Variants in RAB3IP observed in about 807,000 individuals in gnomAD.
RAB3IP encodes RAB3A interacting protein.
Under a neutral mutation model 59.1 loss-of-function variants are expected in RAB3IP, and 36 were observed. The ratio of observed to expected loss-of-function variants is 0.61; its 90% confidence interval spans 0.47 to 0.80. RAB3IP has a LOEUF of 0.80. Ranked by LOEUF, RAB3IP falls within the 30% of genes least tolerant of loss-of-function variation. The pLI is 0.00. For missense variants in RAB3IP, 511 were observed against 536.0 expected (o/e 0.95, Z 0.46); for synonymous variants, 207 against 191.2 (o/e 1.08, Z -0.68).
intron 1 of RAB3IP, among the ~76,000 whole-genome samples, chr12:69,748,984 T>C (rs746885075): frequency 3.3e-5 from 5 of 152,220 alleles, no homozygotes; most frequent in Non-Finnish European, 5.9e-5. Flanking sequence ...GACTTGAATT[T>C]AGACAGTATT....
chr12:69,784,069 G>C (rs1369339996), intron 3 of RAB3IP, among the ~76,000 whole-genome samples: 1 of 152,124 alleles, frequency 6.6e-6, no homozygotes, highest in Admixed American at 6.5e-5. Flanking sequence ...GGCTACTTAA[G>C]CATACAAAAT....
chr12:69,783,521 C>G (rs1391179718), intron 3 of RAB3IP, among the ~76,000 whole-genome samples: 1 of 152,104 alleles, frequency 6.6e-6, no homozygotes, highest in African/African-American at 2.4e-5. Context: ...GGTGAGGGCT[C>G]TTTGTTACGT....
chr12:69,769,521 C>T (rs1173340664), intron 3 of RAB3IP, among the ~76,000 whole-genome samples: 2 of 152,206 alleles, frequency 1.3e-5, no homozygotes, highest in South Asian at 2.1e-4. Context: ...ATTCTCCTCC[C>T]TGGTATCTGG....
intron 6 of RAB3IP, among the ~76,000 whole-genome samples, chr12:69,798,913 G>C (rs886102894): frequency 6.6e-6 from 1 of 152,128 alleles, no homozygotes; most frequent in Non-Finnish European, 1.5e-5. Context: ...TTGGAGATGT[G>C]ACATCTCTTA....
At chr12:69,796,340 T>C (rs989384390) in intron 6 of RAB3IP, 13 of 206,402 alleles carry the variant, frequency 6.3e-5, no homozygotes, top group East Asian at 9.8e-5. Context: ...TTAAAAGATA[T>C]GTTACAAAGA....
chr12:69,784,843 G>A, intron 4 of RAB3IP, 28 bp downstream of exon 4: 1 of 1,291,534 alleles, frequency 7.7e-7, no homozygotes, highest in Non-Finnish European at 1.1e-6. Flanking sequence ...TTGGCCAACA[G>A]CAACATCTTG....
rs138194807 is a variant in RAB3IP, at chr12:69,800,271, G to C, written c.951G>C (p.Thr317=). ...AGGATGAGCCCACAATGGACAGGAC[G>C]TGTCCTTTCTTAGACAAAATCTACC... is the stretch of plus-strand genomic sequence containing the variant. ...LWKDEPTMDR[T]CPFLDKIYQE... Residue 317 remains threonine, a synonymous_variant, in exon 7 of 11, where the codon ACG becomes ACC. Transcript: ENST00000247833. 3 of 1,594,798 alleles carry C rather than the reference G, an allele frequency of 1.9e-6. No individual in the cohort carries two copies. Among genetic ancestry groups the C allele is most frequent in the Non-Finnish European group, 2.6e-6 (3 of 1,168,376 alleles).
chr12:69,807,269 A>G (rs1337584949), intron 8 of RAB3IP, among the ~76,000 whole-genome samples: 4 of 149,906 alleles, frequency 2.7e-5, no homozygotes, highest in Non-Finnish European at 5.9e-5. Context: ...CTCACCTCCC[A>G]GACGGGGCAG....
In RAB3IP at chr12:69,820,936, GA is replaced by G. The variant is rs1881674855; in HGVS notation, c.*5493del. 6.8e-6 allele frequency: 1 copy of G among 147,302 alleles called. No homozygotes were observed. Among genetic ancestry groups the G allele is most frequent in the Non-Finnish European group, 1.5e-5 (1 of 66,888 alleles). 9.1% of individuals were successfully genotyped at this position (147,302 alleles called of 1,614,324 possible). On this transcript the variant is annotated 3_prime_UTR_variant, in exon 11 of 11. Coordinates refer to ENST00000247833, the MANE Select transcript of RAB3IP (RefSeq NM_022456.5). Reference sequence around the variant, plus strand: ...TAGTTGTTAACAGAGAAATAACAATGAAAGCTTTAAAAAACTCCATGAAAAT... The same window carrying G: ...TAGTTGTTAACAGAGAAATAACAATGAAGCTTTAAAAAACTCCATGAAAAT...
At chr12:69,797,992 G>A (rs368938840) in intron 6 of RAB3IP, among the ~76,000 whole-genome samples, 115 of 152,076 alleles carry the variant, frequency 7.6e-4, no homozygotes, top group Admixed American at 1.2e-3. Flanking sequence ...ATACGTGTGC[G>A]TGTGTCTTTA....
At position 69,791,080 on chromosome 12, in the gene RAB3IP, C is replaced by G. The variant is rs927832875; in HGVS notation, c.607-3357C>G. ...ACCCTCAACAAAAATGCTAAGGACA[C>G]CTAGTGGGGAGTAGATAGTCTTATC... On this transcript the variant is annotated intron_variant, in intron 4 of 10. Coordinates refer to ENST00000247833, the MANE Select transcript of RAB3IP (RefSeq NM_022456.5). Among the ~76,000 whole-genome samples, 55 of 152,060 alleles carry G rather than the reference C, an allele frequency of 3.6e-4. 1 individual carries two copies. The highest frequency in any genetic ancestry group is 1.3e-3 in the African/African-American group (53 of 41,404).
chr12:69,801,738 A>C lies in RAB3IP; in HGVS notation c.1130+17A>C, dbSNP rs112609629. The C allele has an allele frequency of 1.4e-6, 2 of 1,467,814 alleles. No individual in the cohort carries two copies. Among genetic ancestry groups the C allele is most frequent in the African/African-American group, 2.8e-5 (2 of 71,668 alleles). The allele number at this position is 1,467,814 out of a possible 1,614,324, so 90.9% of individuals were successfully genotyped here. A position where few individuals can be genotyped will look rare whatever the true frequency, so the allele number is the denominator to read the frequency against. ...AGGACCAAAGTAGGTTTTTACGTGCATGAACTGTGAAAGTGACTGAGTTTT... is the reference window on the plus strand; with the variant it reads ...AGGACCAAAGTAGGTTTTTACGTGCCTGAACTGTGAAAGTGACTGAGTTTT... On this transcript the variant is annotated intron_variant, in intron 8 of 10. Coordinates refer to ENST00000247833, the MANE Select transcript of RAB3IP (RefSeq NM_022456.5).
At chr12:69,765,163 C>T (rs1389437476) in intron 3 of RAB3IP, among the ~76,000 whole-genome samples, 1 of 152,174 alleles carries the variant, frequency 6.6e-6, no homozygotes, top group Non-Finnish European at 1.5e-5. Flanking sequence ...CTGGCTAACA[C>T]TTCCAGTACT....
intron 1 of RAB3IP, among the ~76,000 whole-genome samples, chr12:69,741,955 A>T (rs1319438216): frequency 6.6e-6 from 1 of 152,202 alleles, no homozygotes. Context: ...GATTTTTTTA[A>T]ATCAAATACT....
chr12:69,811,026 T>C (rs1009163413), intron 8 of RAB3IP, among the ~76,000 whole-genome samples: 1 of 152,192 alleles, frequency 6.6e-6, no homozygotes, highest in Admixed American at 6.5e-5. Flanking sequence ...TAAGAAACGC[T>C]ATACACCATG....
intron 6 of RAB3IP, among the ~76,000 whole-genome samples, chr12:69,798,838 C>T (rs1018263447): frequency 6.6e-6 from 1 of 152,042 alleles, no homozygotes; most frequent in Non-Finnish European, 1.5e-5. Context: ...AGTGTGTGCT[C>T]ATATAAATCA....
chr12:69,793,796 C>G (rs1362519297), intron 4 of RAB3IP, among the ~76,000 whole-genome samples: 1 of 152,052 alleles, frequency 6.6e-6, no homozygotes, highest in African/African-American at 2.4e-5. Flanking sequence ...CAGTACCTCA[C>G]AAGGAGATGA....
chr12:69,758,217 C>G (rs775168617), intron 3 of RAB3IP, among the ~76,000 whole-genome samples: 8 of 152,074 alleles, frequency 5.3e-5, no homozygotes, highest in Admixed American at 6.5e-5. Context: ...CTATTTAATA[C>G]GAGTTTCTTA....
rs981099067 is a variant in RAB3IP, at chr12:69,795,125, T to C, written c.685-16T>C. Reference sequence around the variant, plus strand: ...AACGTATTTAATGTATGTGACTATGTTGATTTCTTTCCAAGATTGATGTAC... The same window carrying C: ...AACGTATTTAATGTATGTGACTATGCTGATTTCTTTCCAAGATTGATGTAC... On this transcript the variant is annotated splice_polypyrimidine_tract_variant and intron_variant, in intron 5 of 10. Coordinates refer to ENST00000247833, the MANE Select transcript of RAB3IP (RefSeq NM_022456.5). The C allele has an allele frequency of 6.3e-7, 1 of 1,599,942 alleles. No individual in the cohort carries two copies. Among genetic ancestry groups the C allele is most frequent in the Non-Finnish European group, 8.6e-7 (1 of 1,168,154 alleles).
Sources: allele counts gnomAD v4.1 joint callset (sites outside exome capture counted in the v4.1 genomes callset), GRCh38; gene constraint gnomAD v4.1.1; transcripts MANE v1.5; gene names NCBI Gene and HGNC (gene_info 2026-07-23, HGNC 2026-07-21).